Variants in WIPF1 observed in about 807,000 individuals in gnomAD.
WIPF1 encodes WAS/WASL interacting protein family member 1.
A neutral mutation model predicts 35.4 loss-of-function variants in WIPF1; 13 were observed. The ratio of observed to expected loss-of-function variants is 0.37; its 90% CI spans 0.24 to 0.58. The LOEUF (loss-of-function observed/expected upper bound fraction) is 0.58. WIPF1 is among the 20% of genes least tolerant of loss of function. WIPF1 has a pLI of 0.74. For missense variants in WIPF1, 591 were observed against 667.0 expected (o/e 0.89, Z 1.25); for synonymous variants, 267 against 266.3 (o/e 1.00, Z -0.02).
chr2:174,561,966 T>G lies in WIPF1; in HGVS notation c.*581A>C. On this transcript the variant is annotated 3_prime_UTR_variant, in exon 8 of 8. Coordinates refer to ENST00000679041, the MANE Select transcript of WIPF1 (RefSeq NM_001375834.1). ...ATTTTGGATGCATATTAACTTCACTTGTTTAAAATATATTAGAAATGTAAA... is the reference window on the plus strand; with the variant it reads ...ATTTTGGATGCATATTAACTTCACTGGTTTAAAATATATTAGAAATGTAAA... 2 of 1,230,924 alleles carry G rather than the reference T, an allele frequency of 1.6e-6. No individual in the cohort carries two copies. The highest frequency in any genetic ancestry group is 2.2e-6 in the Non-Finnish European group (2 of 889,432). 76.3% of individuals were successfully genotyped at this position (1,230,924 alleles called of 1,614,324 possible). A position where few individuals can be genotyped will look rare whatever the true frequency, so the allele number is the denominator to read the frequency against.
Position 174,575,279 on chromosome 2 carries a change from C to A in WIPF1, c.283G>T (p.Gly95Cys). 3.1e-6 allele frequency: 5 copies of A among 1,613,932 alleles called. No homozygotes were observed. Among genetic ancestry groups the A allele is most frequent in the Non-Finnish European group, 4.2e-6 (5 of 1,179,946 alleles). The change falls in exon 4 of 8, where the codon GGC becomes TGC. Residue 95 changes from glycine to cysteine, a missense_variant. Gly to Cys is a radical substitution (Grantham distance 159, BLOSUM62 -3). This residue lies in a region of WIPF1 where 471 missense variants were observed against 501.1 expected (regional missense o/e 0.94). Transcript: ENST00000679041. ...AATCCTCCCAGACCTGGAGGTCCGC[C>A]CCCTCCAAAACTTCCACCGCCTCCG... The part of the protein sequence containing the change: ...GGGGGGSFGG[G>C]GPPGLGGLFQ...
intron 1 of WIPF1, among the ~76,000 whole-genome samples, chr2:174,671,066 C>A (rs556859252): frequency 6.6e-6 from 1 of 152,320 alleles, no homozygotes; most frequent in East Asian, 1.9e-4. Context: ...GTCAATGACA[C>A]ATGTGTACAT....
At chr2:174,641,426 A>T (rs1687291438) in intron 1 of WIPF1, among the ~76,000 whole-genome samples, 1 of 152,144 alleles carries the variant, frequency 6.6e-6, no homozygotes, top group Non-Finnish European at 1.5e-5. Context: ...TCCTACTGAG[A>T]CAGATAAATA....
At chr2:174,620,378 G>C (rs1469182317) in intron 1 of WIPF1, among the ~76,000 whole-genome samples, 1 of 152,160 alleles carries the variant, frequency 6.6e-6, no homozygotes, top group East Asian at 1.9e-4. Context: ...TTGTTACCGG[G>C]GTGAAAGTAT....
At chr2:174,582,803 TG>T (rs1685283397) in intron 2 of WIPF1, among the ~76,000 whole-genome samples, 1 of 152,222 alleles carries the variant, frequency 6.6e-6, no homozygotes, top group South Asian at 2.1e-4. Flanking sequence ...AGAATTGCAG[TG>T]GTAAAGTTGG....
intron 1 of WIPF1, among the ~76,000 whole-genome samples, chr2:174,649,900 CTT>C (rs1043475280): frequency 7.2e-5 from 11 of 152,320 alleles, no homozygotes; most frequent in African/African-American, 2.6e-4. Context: ...CCAGGTAAGA[CTT>C]TATCTCCACA....
intron 1 of WIPF1, among the ~76,000 whole-genome samples, chr2:174,654,780 C>T: frequency 6.6e-6 from 1 of 152,126 alleles, no homozygotes; most frequent in Non-Finnish European, 1.5e-5. Flanking sequence ...CTGAACTGCT[C>T]TCTGCAACCC....
intron 2 of WIPF1, among the ~76,000 whole-genome samples, chr2:174,581,859 T>G (rs1431461692): frequency 6.6e-6 from 1 of 152,180 alleles, no homozygotes; most frequent in African/African-American, 2.4e-5. Flanking sequence ...ACTACCCCAG[T>G]GCAAGGGAAA....
intron 1 of WIPF1, among the ~76,000 whole-genome samples, chr2:174,647,866 C>A (rs2105956974): frequency 6.6e-6 from 1 of 152,238 alleles, no homozygotes; most frequent in Admixed American, 6.5e-5. Flanking sequence ...TTAAGCCATG[C>A]CTTTTAGAAG....
At chr2:174,682,230 G>T (rs1168245398) in intron 1 of WIPF1, among the ~76,000 whole-genome samples, 1 of 152,206 alleles carries the variant, frequency 6.6e-6, no homozygotes, top group Admixed American at 6.5e-5. Flanking sequence ...GACCTGGGGC[G>T]AGCGGGCCGC....
intron 1 of WIPF1, among the ~76,000 whole-genome samples, chr2:174,659,456 A>G (rs1440054056): frequency 6.6e-6 from 1 of 152,180 alleles, no homozygotes; most frequent in African/African-American, 2.4e-5. Flanking sequence ...CTAAAAATCT[A>G]CCTCTAGGGT....
intron 1 of WIPF1, among the ~76,000 whole-genome samples, chr2:174,593,916 G>T (rs755729397): frequency 1.3e-5 from 2 of 152,142 alleles, no homozygotes; most frequent in Non-Finnish European, 2.9e-5. Flanking sequence ...ATACAAGAGG[G>T]GAAACAGAAA....
rs192019492 is a variant in WIPF1, at chr2:174,678,631, G to A, written c.-39+4143C>T. The stretch of plus-strand genomic sequence containing the variant: ...GATATCTCATGCAATCTAATCTACT[G>A]TCATCTCTACACTGATGATGGCCAC... On this transcript the variant is annotated intron_variant, in intron 1 of 8. Coordinates refer to the WIPF1 transcript ENST00000272746. Among the ~76,000 whole-genome samples, 100 of 152,340 alleles carry A rather than the reference G, an allele frequency of 6.6e-4. 2 individuals carry two copies. Among genetic ancestry groups the A allele is most frequent in the African/African-American group, 2.2e-3 (92 of 41,580 alleles).
intron 1 of WIPF1, among the ~76,000 whole-genome samples, chr2:174,642,441 G>T (rs1687317104): frequency 7.2e-6 from 1 of 138,254 alleles, no homozygotes; most frequent in Non-Finnish European, 1.5e-5. Flanking sequence ...CCGCCTCCCA[G>T]GTTCATGCCA....
chr2:174,635,381 T>G (rs904544200), intron 1 of WIPF1, among the ~76,000 whole-genome samples: 2 of 152,084 alleles, frequency 1.3e-5, no homozygotes, highest in Admixed American at 6.6e-5. Flanking sequence ...GATGGTGGCC[T>G]GACAAGAGCA....
At chr2:174,619,062 T>C (rs1236000746) in intron 1 of WIPF1, among the ~76,000 whole-genome samples, 6 of 152,034 alleles carry the variant, frequency 3.9e-5, no homozygotes, top group Admixed American at 3.9e-4. Context: ...CAAGTGATCC[T>C]CCTACCTCAG....
chr2:174,637,064 A>G (rs866705619), intron 1 of WIPF1, among the ~76,000 whole-genome samples: 1 of 152,198 alleles, frequency 6.6e-6, no homozygotes, highest in Non-Finnish European at 1.5e-5. Context: ...CTACATATTT[A>G]TTAATGTATT....
intron 3 of WIPF1, among the ~76,000 whole-genome samples, chr2:174,577,413 T>C (rs1001745981): frequency 2.0e-5 from 3 of 152,340 alleles, no homozygotes; most frequent in Admixed American, 2.0e-4. Flanking sequence ...AATCATGTTC[T>C]GATATTAATG....
intron 1 of WIPF1, among the ~76,000 whole-genome samples, chr2:174,639,848 A>G (rs1687260166): frequency 1.3e-5 from 2 of 152,154 alleles, no homozygotes; most frequent in African/African-American, 4.8e-5. Context: ...CAGGTTTCAC[A>G]CTTATGTTTT....
Sources: allele counts gnomAD v4.1 joint callset (sites outside exome capture counted in the v4.1 genomes callset), GRCh38; gene constraint gnomAD v4.1.1; regional missense constraint gnomAD v4.1.1; transcripts MANE v1.5; gene names NCBI Gene and HGNC (gene_info 2026-07-23, HGNC 2026-07-21).